H6PD: variants seen among roughly 807,000 people sequenced by gnomAD.
H6PD encodes the protein hexose-6-phosphate dehydrogenase/glucose 1-dehydrogenase.
H6PD carries 48 observed loss-of-function variants against 61.2 expected under a neutral mutation model. The observed-to-expected ratio is 0.78, with a 90% confidence interval of 0.62 to 1.00. The LOEUF is 1.00. Ranked by LOEUF, H6PD falls within the 50% of genes least tolerant of loss-of-function variation. H6PD has a pLI of 0.00. For missense variants in H6PD, 1,093 were observed against 1,065.0 expected (o/e 1.03, Z -0.37); for synonymous variants, 480 against 457.9 (o/e 1.05, Z -0.62).
At chr1:9,237,357 C>T (rs974374484) in intron 1 of H6PD, among the ~76,000 whole-genome samples, 1 of 150,214 alleles carries the variant, frequency 6.7e-6, no homozygotes, top group Non-Finnish European at 1.5e-5. Context: ...CTCAGCCTCC[C>T]AAGTAGCTGG....
intron 3 of H6PD, among the ~76,000 whole-genome samples, chr1:9,253,399 T>C (rs557840633): frequency 1.3e-5 from 2 of 152,332 alleles, no homozygotes; most frequent in Admixed American, 1.3e-4. Flanking sequence ...TTAGGGACTC[T>C]GTTGTGTTCC....
chr1:9,264,996 C>T lies in H6PD; in HGVS notation c.*127C>T. The T allele has an allele frequency of 1.0e-6, 1 of 1,000,898 alleles. No homozygotes were observed. The highest frequency in any genetic ancestry group is 1.5e-6 in the Non-Finnish European group (1 of 656,820). The allele number at this position is 1,000,898 out of a possible 1,614,324, so 62.0% of individuals were successfully genotyped here. On this transcript the variant is annotated 3_prime_UTR_variant, in exon 5 of 5. Transcript: ENST00000377403. ...CAGAACCTTCTATCCCACAGTCAGG[C>T]CCCAGAGAGGGCAGGACAAGCCTTG...
Position 9,261,154 on chromosome 1 carries a change from G to A in H6PD, c.746-905G>A, listed in dbSNP as rs140517478. Among the ~76,000 whole-genome samples the A allele has an allele frequency of 1.4e-4, 21 of 152,126 alleles. No homozygotes were observed. In the East Asian group the frequency reaches 4.1e-3, roughly 29 times the overall value. On this transcript the variant is annotated intron_variant, in intron 3 of 4. Transcript: ENST00000377403. ...CACCCATTCTCCCCCCAAGACCAGGGGTCGATCCCCAATATAGGTCAGGTC... is the reference window on the plus strand; with the variant it reads ...CACCCATTCTCCCCCCAAGACCAGGAGTCGATCCCCAATATAGGTCAGGTC...
chr1:9,259,888 A>G (rs1040961828), intron 3 of H6PD, among the ~76,000 whole-genome samples: 1 of 144,294 alleles, frequency 6.9e-6, no homozygotes, highest in Non-Finnish European at 1.5e-5. Context: ...TTGTTGTTAC[A>G]CCAGTGTTAT....
At chr1:9,241,694 C>A (rs1431385237) in intron 1 of H6PD, among the ~76,000 whole-genome samples, 1 of 152,240 alleles carries the variant, frequency 6.6e-6, no homozygotes, top group Non-Finnish European at 1.5e-5. Flanking sequence ...GCCACTGTGC[C>A]TGGCCTAATT....
chr1:9,248,402 A>G (rs779262234), intron 3 of H6PD, among the ~76,000 whole-genome samples: 2 of 152,172 alleles, frequency 1.3e-5, no homozygotes, highest in Non-Finnish European at 2.9e-5. Flanking sequence ...GAGGTGCCAC[A>G]GTGAGGTACA....
chr1:9,238,071 TG>T (rs763373496), intron 1 of H6PD, among the ~76,000 whole-genome samples: 1 of 151,856 alleles, frequency 6.6e-6, no homozygotes, highest in East Asian at 1.9e-4. Context: ...AGGATGGGGG[TG>T]GGCGGTTTAC....
intron 1 of H6PD, among the ~76,000 whole-genome samples, chr1:9,243,512 G>A (rs936249268): frequency 4.6e-5 from 7 of 152,122 alleles, no homozygotes; most frequent in Non-Finnish European, 1.0e-4. Flanking sequence ...TGGGCATGCC[G>A]GCCGTGATGA....
intron 3 of H6PD, 124 bp downstream of exon 3, chr1:9,247,207 G>A (rs535731883): frequency 2.1e-4 from 158 of 757,690 alleles, no homozygotes; most frequent in East Asian, 1.8e-3. Flanking sequence ...CGAGCCTGCC[G>A]TGTGCCTAGC....
At position 9,244,954 on chromosome 1, in the gene H6PD, T is replaced by C. The variant is rs1641115004; in HGVS notation, c.20T>C (p.Val7Ala). 3.1e-6 allele frequency: 5 copies of C among 1,614,180 alleles called. No individual in the cohort carries two copies. Among genetic ancestry groups the C allele is most frequent in the Non-Finnish European group, 4.2e-6 (5 of 1,179,996 alleles). MWNMLI[V>A]AMCLALLGCL... is the part of the protein sequence containing the mutation. The stretch of plus-strand genomic sequence containing the variant: ...CCAGGCATGTGGAATATGCTCATAG[T>C]GGCGATGTGCTTGGCCCTTCTGGGC... The change falls in exon 2 of 5, where the codon GTG becomes GCG. Residue 7 changes from valine (V) to alanine (A), a missense_variant. Transcript: ENST00000377403.
intron 1 of H6PD, chr1:9,242,580 A>T: frequency 1.0e-6 from 1 of 985,486 alleles, no homozygotes. Flanking sequence ...AGGATTAAAG[A>T]GAGGGCCAGG....
At chr1:9,257,024 C>A (rs1248131268) in intron 3 of H6PD, among the ~76,000 whole-genome samples, 2 of 152,194 alleles carry the variant, frequency 1.3e-5, no homozygotes, top group Non-Finnish European at 2.9e-5. Flanking sequence ...CTAGCTGACT[C>A]TTTACAGCTG....
At chr1:9,251,043 C>T (rs72855972) in intron 3 of H6PD, among the ~76,000 whole-genome samples, 13 of 152,292 alleles carry the variant, frequency 8.5e-5, no homozygotes, top group African/African-American at 3.1e-4. Context: ...TCCTCCTGTG[C>T]GTCCCAGTCC....
At chr1:9,239,200 C>G (rs1640928340) in intron 1 of H6PD, among the ~76,000 whole-genome samples, 1 of 152,126 alleles carries the variant, frequency 6.6e-6, no homozygotes, top group Non-Finnish European at 1.5e-5. Flanking sequence ...GCACCCGCCA[C>G]CACACCCAGC....
In H6PD at chr1:9,264,251, C is replaced by T. The variant is rs1411269584; in HGVS notation, c.1758C>T (p.His586=). 1 of 1,610,172 alleles carries T rather than the reference C, an allele frequency of 6.2e-7. No individual in the cohort carries two copies. Among genetic ancestry groups the T allele is most frequent in the East Asian group, 2.2e-5 (1 of 44,822 alleles). Residue 586 remains histidine (H), a synonymous_variant, in exon 5 of 5, where the codon CAC becomes CAT. Coordinates refer to ENST00000377403, the MANE Select transcript of H6PD (RefSeq NM_004285.4). ...CCGTGCGGCGCTTTGGCCAGTTCCA[C>T]CTGGCACTGTCGGGGGGCTCGAGCC... ...VRAVRRFGQF[H]LALSGGSSPV...
chr1:9,261,453 C>T (rs1285540220), intron 3 of H6PD, among the ~76,000 whole-genome samples: 1 of 152,168 alleles, frequency 6.6e-6, no homozygotes, highest in Non-Finnish European at 1.5e-5. Context: ...TTTCATTACC[C>T]TCTGTCACAA....
At chr1:9,246,618 T>A (rs907674746) in intron 2 of H6PD, among the ~76,000 whole-genome samples, 1 of 152,224 alleles carries the variant, frequency 6.6e-6, no homozygotes, top group Non-Finnish European at 1.5e-5. Flanking sequence ...TTCACTTGTT[T>A]ATGGCAAGAT....
rs777913960 is a variant in H6PD at position 9,262,059 on chromosome 1, G to T, written c.746G>T (p.Gly249Val). 38 of 1,614,024 alleles carry T rather than the reference G, an allele frequency of 2.4e-5. No homozygotes were observed. Among genetic ancestry groups the T allele is most frequent in the Non-Finnish European group, 3.0e-5 (35 of 1,180,014 alleles). The change falls in exon 4 of 5, where the codon GGC becomes GTC. Residue 249 changes from glycine to valine, a missense_variant and splice_region_variant. Gly to Val is a moderately radical substitution (Grantham distance 109). Transcript: ENST00000377403. ...CCACTTCTCCACCTCCCTCCACCAGGCCGCACCAGCTTCTATGAGGAGTAC... is the reference window on the plus strand; with the variant it reads ...CCACTTCTCCACCTCCCTCCACCAGTCCGCACCAGCTTCTATGAGGAGTAC... ...IIMKETVDAE[G>V]RTSFYEEYGV...
intron 3 of H6PD, among the ~76,000 whole-genome samples, chr1:9,253,332 A>G (rs1463372088): frequency 6.6e-6 from 1 of 152,220 alleles, no homozygotes. Flanking sequence ...TAAAAATAGG[A>G]AAGGGGCCGC....
Sources: allele counts gnomAD v4.1 joint callset (sites outside exome capture counted in the v4.1 genomes callset), GRCh38; gene constraint gnomAD v4.1.1; transcripts MANE v1.5; gene names NCBI Gene and HGNC (gene_info 2026-07-23, HGNC 2026-07-21).